Variants in FAM187A observed in about 807,000 individuals in gnomAD.
The protein encoded by FAM187A is family with sequence similarity 187 member A, also known as Ig-like V-type domain-containing protein FAM187A.
A neutral mutation model predicts 6.4 loss-of-function variants in FAM187A; 4 were observed. The observed-to-expected ratio is 0.63, with a 90% CI of 0.31 to 1.44. FAM187A has a LOEUF of 1.44. Ranked by LOEUF, FAM187A falls within the 40% of genes most tolerant of loss-of-function variation. The probability of loss-of-function intolerance (pLI) is 0.07; values close to 1 mark genes in which losing one functional copy is unlikely to be tolerated. For synonymous variants in FAM187A, 221 were observed against 213.4 expected (o/e 1.04, Z -0.31); for missense variants, 463 against 542.2 (o/e 0.85, Z 1.45).
exon 4 of FAM187A, chr17:44,904,464 T>C: frequency 6.5e-7 from 1 of 1,544,904 alleles, no homozygotes; most frequent in Non-Finnish European, 8.7e-7. Flanking sequence ...CCCGATGTGG[T>C]GTCTTGTGGC....
chr17:44,904,773 G>A (rs1489876638), exon 4 of FAM187A: 1 of 1,550,650 alleles, frequency 6.4e-7, no homozygotes, highest in Non-Finnish European at 8.7e-7. Context: ...TACCTGAAGG[G>A]TGTCAACAGG....
At chr17:44,904,553 C>T (rs922255682) in exon 4 of FAM187A, 4 of 1,550,588 alleles carry the variant, frequency 2.6e-6, no homozygotes, top group Non-Finnish European at 3.5e-6. Context: ...CTGCTTAGTA[C>T]CCTGTGAGAA....
chr17:44,904,024 G>T, exon 4 of FAM187A: 2 of 1,550,650 alleles, frequency 1.3e-6, no homozygotes, highest in Non-Finnish European at 1.7e-6. Context: ...CTGTAGTCTG[G>T]TTCTACCAAA....
In FAM187A at chr17:44,903,797, GC is replaced by G; in HGVS notation, c.-30del. The G allele has an allele frequency of 1.3e-6, 2 of 1,528,610 alleles. No homozygotes were observed. Among genetic ancestry groups the G allele is most frequent in the South Asian group, 2.5e-5 (2 of 80,850 alleles). The allele number at this position is 1,528,610 out of a possible 1,614,324, so 94.7% of individuals were successfully genotyped here. A position where few individuals can be genotyped will look rare whatever the true frequency, so the allele number is the denominator to read the frequency against. On this transcript the variant is annotated 5_prime_UTR_variant, in exon 4 of 4. It introduces an in-frame stop codon into an upstream open reading frame of the 5' UTR. Transcript: ENST00000331733. ...TATGAGCCTTTAATGCCCTGGTTTT[GC>G]CCTGCCCCTCTGACCCCTGCCTCCT...
rs572993798 is a variant in FAM187A at position 44,904,339 on chromosome 17, C to T, written c.510C>T (p.Thr170=). 80 of 1,542,168 alleles carry T rather than the reference C, an allele frequency of 5.2e-5. No homozygotes were observed. In the South Asian group the frequency reaches 5.8e-4, roughly 11 times the overall value. The change falls in exon 4 of 4, where the codon ACC becomes ACT. Residue 170 remains threonine (T), a synonymous_variant. Coordinates refer to ENST00000331733, the Ensembl canonical transcript of FAM187A. ...ACTATGGGCACCTCCATGTCTTCAC[C>T]ACCTTCTGGGAATGGACCCCCTGTG...
exon 4 of FAM187A, chr17:44,903,747 G>A (rs776079438): frequency 1.6e-5 from 23 of 1,463,646 alleles, no homozygotes; most frequent in East Asian, 2.5e-5. Context: ...AGAGGCTTCC[G>A]CTTAGCAGAG....
At chr17:44,904,618 G>A in exon 4 of FAM187A, 1 of 1,550,560 alleles carries the variant, frequency 6.4e-7, no homozygotes, top group Non-Finnish European at 8.7e-7. Context: ...TGTCCAAAGT[G>A]GGCAGCCGGC....
chr17:44,903,918 C>A (rs2051605397), exon 4 of FAM187A: 5 of 1,550,492 alleles, frequency 3.2e-6, no homozygotes, highest in Non-Finnish European at 4.4e-6. Context: ...TTTCAGAGGA[C>A]CCCCTGCCCT....
chr17:44,903,954 C>T, exon 4 of FAM187A: 1 of 1,550,610 alleles, frequency 6.4e-7, no homozygotes, highest in South Asian at 1.2e-5. Context: ...GAAAATGCAG[C>T]CTACCTGGCC....
chr17:44,904,295 G>A, exon 4 of FAM187A: 1 of 1,548,576 alleles, frequency 6.5e-7, no homozygotes, highest in Non-Finnish European at 8.7e-7. Context: ...CAAGGGCCAG[G>A]AGCCCTTTGC....
exon 4 of FAM187A, chr17:44,904,931 T>C (rs2051630702): frequency 6.4e-7 from 1 of 1,550,550 alleles, no homozygotes; most frequent in Non-Finnish European, 8.7e-7. Context: ...CTACCCAGCC[T>C]CGTTCTCAGA....
At chr17:44,905,381 T>C (rs1597850623) in exon 4 of FAM187A, 2 of 310,084 alleles carry the variant, frequency 6.4e-6, no homozygotes, top group African/African-American at 2.2e-5. Context: ...CTGATCAGTG[T>C]TGAATCATGT....
At chr17:44,905,372 T>C (rs2051639525) in exon 4 of FAM187A, 1 of 368,604 alleles carries the variant, frequency 2.7e-6, no homozygotes, top group South Asian at 3.9e-5. Flanking sequence ...TGGTAAACAC[T>C]GATCAGTGTT....
At position 44,904,448 on chromosome 17, in the gene FAM187A, G is replaced by T. The variant is rs536097358; in HGVS notation, c.619G>T (p.Ala207Ser). 199 of 1,542,836 alleles carry T rather than the reference G, an allele frequency of 1.3e-4. 1 individual carries two copies. The East Asian group carries it at 4.9e-3, about 38-fold the overall frequency. The change falls in exon 4 of 4, where the codon GCC becomes TCC. Residue 207 changes from alanine (A) to serine (S), a missense_variant. By Grantham distance (99) the Ala-to-Ser change is moderately conservative. Transcript: ENST00000331733. ...AGACCTCTCCCCACGCTACCTCAAG[G>T]CCGTGCCCGATGTGGTGTCTTGTGG...
At chr17:44,903,578 GC>G in exon 4 of FAM187A, 1 of 1,394,446 alleles carries the variant, frequency 7.2e-7, no homozygotes, top group Non-Finnish European at 9.2e-7. Flanking sequence ...GGGAGTAAAG[GC>G]CAGGTTCTAG....
chr17:44,905,148 C>A, exon 4 of FAM187A: 1 of 1,223,920 alleles, frequency 8.2e-7, no homozygotes, highest in Non-Finnish European at 1.1e-6. Context: ...TGGGTGGGTA[C>A]CCTGGGTTGG....
exon 4 of FAM187A, chr17:44,904,583 G>A (rs1337629836): frequency 1.4e-5 from 22 of 1,550,584 alleles, no homozygotes; most frequent in Non-Finnish European, 6.1e-6. Flanking sequence ...CATCCGGGAG[G>A]GCGTGCTGGC....
chr17:44,905,337 A>C, exon 4 of FAM187A: 1 of 480,892 alleles, frequency 2.1e-6, no homozygotes, highest in South Asian at 2.8e-5. Context: ...TCAGAGAAGG[A>C]AAGTGTGAAC....
chr17:44,905,095 C>G (rs556632207), exon 4 of FAM187A: 1 of 1,479,458 alleles, frequency 6.8e-7, no homozygotes. Context: ...CTCTGAAGAC[C>G]AGTTGTCCTT....
Sources: gnomAD v4.1 joint callset for allele counts on GRCh38, gnomAD v4.1.1 for gene constraint, MANE v1.5 for transcripts, NCBI Gene and HGNC (gene_info 2026-07-23, HGNC 2026-07-21) for gene names.